DYRK2: variants seen among roughly 807,000 people sequenced by gnomAD.
The protein encoded by DYRK2 is dual specificity tyrosine-phosphorylation-regulated kinase 2.
DYRK2 carries 12 observed loss-of-function variants against 41.6 expected under a neutral mutation model. That is an observed-to-expected ratio of 0.29 (90% CI 0.18 to 0.47). The LOEUF (loss-of-function observed/expected upper bound fraction) is 0.47. Among genes scored for constraint, DYRK2 ranks in the 20% least tolerant of loss-of-function variants. The pLI is 1.00. For synonymous variants in DYRK2, 322 were observed against 315.7 expected (o/e 1.02, Z -0.21); for missense variants, 678 against 798.4 (o/e 0.85, Z 1.82).
In DYRK2 at chr12:67,664,537, A is replaced by G. The variant is rs1446805150; in HGVS notation, c.*5824A>G. On this transcript the variant is annotated 3_prime_UTR_variant, in exon 3 of 3. Transcript: ENST00000344096. ...TGAGCTATAATTATCCTCATTTGAT[A>G]CTTGAGGAAACTGAAGTGACTTGCT... The G allele has an allele frequency of 7.3e-6, 1 of 137,478 alleles. No homozygotes were observed. Among genetic ancestry groups the G allele is most frequent in the Non-Finnish European group, 1.6e-5 (1 of 64,152 alleles). 8.5% of individuals were successfully genotyped at this position (137,478 alleles called of 1,614,324 possible).
At chr12:67,649,437 C>G (rs139451618) in intron 1 of DYRK2, among the ~76,000 whole-genome samples, 1 of 151,796 alleles carries the variant, frequency 6.6e-6, no homozygotes, top group Non-Finnish European at 1.5e-5. Flanking sequence ...CCAGGCCTGC[C>G]GCCCCGCCCT....
rs1189302848 is a variant in DYRK2, at chr12:67,659,466, T to C, written c.*753T>C. 1 of 167,126 alleles carries C rather than the reference T, an allele frequency of 6.0e-6. No individual in the cohort carries two copies. The highest frequency in any genetic ancestry group is 2.4e-5 in the African/African-American group (1 of 41,444). The allele number at this position is 167,126 out of a possible 1,614,324, so 10.4% of individuals were successfully genotyped here. On this transcript the variant is annotated 3_prime_UTR_variant, in exon 3 of 3. Transcript: ENST00000344096. ...TTGCTTTTGCACCTAAATTTAGAAT[T>C]GTATTCCATGAACTGTTCCTCCCTT...
chr12:67,649,780 C>T lies in DYRK2; in HGVS notation c.50-17C>T, dbSNP rs761271046. Reference sequence around the variant, plus strand: ...CCCCCTGACCCTCTTTTGTCTCCTCCCGCACGTGGCTTCCAGGCCGAGGTG... The same window carrying T: ...CCCCCTGACCCTCTTTTGTCTCCTCTCGCACGTGGCTTCCAGGCCGAGGTG... On this transcript the variant is annotated splice_polypyrimidine_tract_variant and intron_variant, in intron 1 of 2. Transcript: ENST00000344096. The T allele has an allele frequency of 9.9e-6, 13 of 1,313,968 alleles. No homozygotes were observed. In the South Asian group the frequency reaches 1.2e-4, roughly 12 times the overall value. The allele number at this position is 1,313,968 out of a possible 1,614,324, so 81.4% of individuals were successfully genotyped here. A position where few individuals can be genotyped will look rare whatever the true frequency, so the allele number is the denominator to read the frequency against.
chr12:67,649,960 G>T lies in DYRK2; in HGVS notation c.198+15G>T, dbSNP rs948911301. On this transcript the variant is annotated intron_variant, in intron 2 of 2. Transcript: ENST00000344096. ...CAGCCCACACGGTGAGACCCAGCCC[G>T]CGGGCGGCCCGGGCGGTGGGGGCGG... is the stretch of plus-strand genomic sequence containing the variant. The T allele has an allele frequency of 4.5e-6, 6 of 1,335,906 alleles. No homozygotes were observed. Among genetic ancestry groups the T allele is most frequent in the Admixed American group, 4.0e-5 (1 of 24,798 alleles). The allele number at this position is 1,335,906 out of a possible 1,614,324, so 82.8% of individuals were successfully genotyped here.
In DYRK2 at chr12:67,658,152, C is replaced by T. The variant is rs1183180159; in HGVS notation, c.1245C>T (p.Leu415=). ...MWSLGCILAE[L]LTGYPLLPGE... ...GCCTGGGCTGCATTTTAGCAGAGCTCCTGACGGGTTACCCCCTCTTGCCTG... is the reference window on the plus strand; with the variant it reads ...GCCTGGGCTGCATTTTAGCAGAGCTTCTGACGGGTTACCCCCTCTTGCCTG... The change falls in exon 3 of 3, where the codon CTC becomes CTT. Residue 415 remains leucine (L), a synonymous_variant. Coordinates refer to ENST00000344096, the MANE Select transcript of DYRK2 (RefSeq NM_006482.3). The surrounding 1 kb of genome is among the most constrained non-coding windows in gnomAD (Gnocchi z 4.3). 1.2e-6 allele frequency: 2 copies of T among 1,614,062 alleles called. No homozygotes were observed. Among genetic ancestry groups the T allele is most frequent in the Non-Finnish European group, 1.7e-6 (2 of 1,180,024 alleles).
rs565110429 is a variant in DYRK2 at position 67,660,758 on chromosome 12, C to T, written c.*2045C>T. On this transcript the variant is annotated 3_prime_UTR_variant, in exon 3 of 3. Transcript: ENST00000344096. ...AGAAGTATAAGACTTGGTTTGGTGG[C>T]TTTGTAAGACCACCAGCCTCTTAAT... The T allele has an allele frequency of 1.2e-5, 2 of 167,036 alleles. No homozygotes were observed. Among genetic ancestry groups the T allele is most frequent in the East Asian group, 1.9e-4 (1 of 5,186 alleles). The allele number at this position is 167,036 out of a possible 1,614,324, so 10.3% of individuals were successfully genotyped here.
intron 2 of DYRK2, among the ~76,000 whole-genome samples, chr12:67,650,167 C>T (rs1418806529): frequency 1.3e-5 from 2 of 152,258 alleles, no homozygotes; most frequent in Non-Finnish European, 2.9e-5. Context: ...CCCTTACTTC[C>T]CCTCCAGAGC....
chr12:67,648,814 G>C lies in DYRK2; in HGVS notation c.-320G>C, dbSNP rs931476523. Reference sequence around the variant, plus strand: ...CCTCGCAGCGCTTCCAGCTCCCCGCGCCCCTATGTGAGGGAGACGGGGAGG... The same window carrying C: ...CCTCGCAGCGCTTCCAGCTCCCCGCCCCCCTATGTGAGGGAGACGGGGAGG... On this transcript the variant is annotated 5_prime_UTR_variant, in exon 1 of 3. Transcript: ENST00000344096. 3.2e-5 allele frequency: 6 copies of C among 185,688 alleles called. No individual in the cohort carries two copies. Among genetic ancestry groups the C allele is most frequent in the Non-Finnish European group, 6.6e-5 (6 of 90,782 alleles). The allele number at this position is 185,688 out of a possible 1,614,324, so 11.5% of individuals were successfully genotyped here. A position where few individuals can be genotyped will look rare whatever the true frequency, so the allele number is the denominator to read the frequency against.
chr12:67,656,248 G>A (rs1010722421), intron 2 of DYRK2, among the ~76,000 whole-genome samples: 2 of 152,222 alleles, frequency 1.3e-5, no homozygotes, highest in Non-Finnish European at 2.9e-5. Flanking sequence ...AGACAGGAAT[G>A]TTCAGGGATG....
rs1872297194 is a variant in DYRK2, at chr12:67,650,670, C to T, written c.198+725C>T. ...TGGGAGGGGAGAGGCCAGCGTGGGA[C>T]TGGTTGCTGGTGGCTGCGGAGACTG... On this transcript the variant is annotated intron_variant, in intron 2 of 2. Coordinates refer to ENST00000344096, the MANE Select transcript of DYRK2 (RefSeq NM_006482.3). 4.6e-5 allele frequency among the ~76,000 whole-genome samples: 7 copies of T among 152,176 alleles called. No individual in the cohort carries two copies. In the South Asian group the frequency reaches 1.4e-3, roughly 31 times the overall value.
rs773087622 is a variant in DYRK2, at chr12:67,657,951, C to T, written c.1044C>T (p.Asp348=). 34 of 1,614,228 alleles carry T rather than the reference C, an allele frequency of 2.1e-5. 1 individual carries two copies. In the South Asian group the frequency reaches 3.0e-4, roughly 14 times the overall value. Reference sequence around the variant, plus strand: ...ACAAAAACAGAATAATTCACTGTGACCTTAAGCCCGAGAACATTTTGTTAA... The same window carrying T: ...ACAAAAACAGAATAATTCACTGTGATCTTAAGCCCGAGAACATTTTGTTAA... ...ALHKNRIIHC[D]LKPENILLKQ... is the part of the protein sequence containing the mutation. The change falls in exon 3 of 3, where the codon GAC becomes GAT. Residue 348 remains aspartate, a synonymous_variant. Coordinates refer to ENST00000344096, the MANE Select transcript of DYRK2 (RefSeq NM_006482.3). This position sits in a 1 kb window ranked among gnomAD's most constrained non-coding sequence, Gnocchi z 4.8.
chr12:67,655,968 A>G (rs1199346685), intron 2 of DYRK2, among the ~76,000 whole-genome samples: 1 of 152,230 alleles, frequency 6.6e-6, no homozygotes, highest in Non-Finnish European at 1.5e-5. Context: ...GGACTCTGTC[A>G]CTTTGGCAGC....
rs1370520694 is a variant in DYRK2 at position 67,658,685 on chromosome 12, G to A, written c.1778G>A (p.Arg593Lys). The A allele has an allele frequency of 6.2e-7, 1 of 1,610,042 alleles. No homozygotes were observed. Among genetic ancestry groups the A allele is most frequent in the Non-Finnish European group, 8.5e-7 (1 of 1,178,280 alleles). ...GATGCCAATGGGAATATTCAGCAGA[G>A]GACAGTGTTGCCAAAACTTGTTAGC... ...MTDANGNIQQRTVLPKLVS is the reference protein window; with the variant it reads ...MTDANGNIQQKTVLPKLVS The change falls in exon 3 of 3, where the codon AGG becomes AAG. Residue 593 changes from arginine (R) to lysine (K), a missense_variant. Arg to Lys is a conservative substitution (Grantham distance 26). Coordinates refer to ENST00000344096, the MANE Select transcript of DYRK2 (RefSeq NM_006482.3). This position sits in a 1 kb window ranked among gnomAD's most constrained non-coding sequence, Gnocchi z 4.3.
In DYRK2 at chr12:67,660,755, T is replaced by C. The variant is rs1430251860; in HGVS notation, c.*2042T>C. The C allele has an allele frequency of 6.0e-6, 1 of 167,052 alleles. No individual in the cohort carries two copies. Among genetic ancestry groups the C allele is most frequent in the East Asian group, 1.9e-4 (1 of 5,206 alleles). 10.3% of individuals were successfully genotyped at this position (167,052 alleles called of 1,614,324 possible). On this transcript the variant is annotated 3_prime_UTR_variant, in exon 3 of 3. Coordinates refer to ENST00000344096, the MANE Select transcript of DYRK2 (RefSeq NM_006482.3). The stretch of plus-strand genomic sequence containing the variant: ...ATGAGAAGTATAAGACTTGGTTTGG[T>C]GGCTTTGTAAGACCACCAGCCTCTT...
chr12:67,653,482 G>A (rs898367706), intron 2 of DYRK2, among the ~76,000 whole-genome samples: 3 of 152,148 alleles, frequency 2.0e-5, no homozygotes, highest in African/African-American at 7.2e-5. Flanking sequence ...TTGCTTTTAG[G>A]TGTTTGGTTG....
Position 67,657,645 on chromosome 12 carries a change from G to C in DYRK2, c.738G>C (p.Gln246His), listed in dbSNP as rs1390291213. Residue 246 changes from glutamine (Q) to histidine (H), a missense_variant, in exon 3 of 3, where the codon CAG becomes CAC. Physicochemically the swap from Gln to His is conservative, Grantham distance 24. Transcript: ENST00000344096. The surrounding 1 kb of genome is among the most constrained non-coding windows in gnomAD (Gnocchi z 4.8). ...AGGCCTACGATCACAAAGTCCACCA[G>C]CACGTGGCCCTAAAGATGGTGCGGA... ...VVKAYDHKVHQHVALKMVRNE... is the reference protein window; with the variant it reads ...VVKAYDHKVHHHVALKMVRNE... 2.5e-6 allele frequency: 4 copies of C among 1,613,848 alleles called. No individual in the cohort carries two copies. Among genetic ancestry groups the C allele is most frequent in the Non-Finnish European group, 1.7e-6 (2 of 1,180,002 alleles).
Position 67,657,004 on chromosome 12 carries a change from G to T in DYRK2, c.199-102G>T. On this transcript the variant is annotated intron_variant, in intron 2 of 2. Transcript: ENST00000344096. The surrounding 1 kb of genome is among the most constrained non-coding windows in gnomAD (Gnocchi z 4.8). ...TTTTACTCAAACCAAATGGGATTTT[G>T]TAAATGTGAGGTTGGGGGCGGTGGT... The T allele has an allele frequency of 7.9e-7, 1 of 1,261,056 alleles. No individual in the cohort carries two copies. The highest frequency in any genetic ancestry group is 1.1e-6 in the Non-Finnish European group (1 of 944,198). The allele number at this position is 1,261,056 out of a possible 1,614,324, so 78.1% of individuals were successfully genotyped here.
chr12:67,658,619 G>T lies in DYRK2; in HGVS notation c.1712G>T (p.Ser571Ile), dbSNP rs1454973785. The change falls in exon 3 of 3, where the codon AGC becomes ATC. Residue 571 changes from serine to isoleucine, a missense_variant. Coordinates refer to ENST00000344096, the MANE Select transcript of DYRK2 (RefSeq NM_006482.3). This position sits in a 1 kb window ranked among gnomAD's most constrained non-coding sequence, Gnocchi z 4.3. ...TSISKLPPPS[S>I]SASKLRTNLA... ...ATATCCAAGTTACCTCCACCTTCTA[G>T]CTCAGCTTCCAAACTGAGGACTAAT... 5 of 1,614,016 alleles carry T rather than the reference G, an allele frequency of 3.1e-6. No homozygotes were observed. The highest frequency in any genetic ancestry group is 1.7e-5 in the Admixed American group (1 of 59,996).
chr12:67,659,923 TAGA>T lies in DYRK2; in HGVS notation c.*1215_*1217del, dbSNP rs1400811095. 1 of 167,134 alleles carries T rather than the reference TAGA, an allele frequency of 6.0e-6. No individual in the cohort carries two copies. Among genetic ancestry groups the T allele is most frequent in the Non-Finnish European group, 1.5e-5 (1 of 68,122 alleles). The allele number at this position is 167,134 out of a possible 1,614,324, so 10.4% of individuals were successfully genotyped here. A position where few individuals can be genotyped will look rare whatever the true frequency, so the allele number is the denominator to read the frequency against. On this transcript the variant is annotated 3_prime_UTR_variant, in exon 3 of 3. Coordinates refer to ENST00000344096, the MANE Select transcript of DYRK2 (RefSeq NM_006482.3). ...TGGTTTGACTTATTCTTCGTATCATTAGAAGAACCCCAGAGATAGCATTCCTCT... is the reference window on the plus strand; with the variant it reads ...TGGTTTGACTTATTCTTCGTATCATTAGAACCCCAGAGATAGCATTCCTCT...
Sources: gnomAD v4.1 joint callset for allele counts (sites outside exome capture counted in the v4.1 genomes callset) on GRCh38, gnomAD v4.1.1 for gene constraint, Gnocchi (gnomAD v3.1) non-coding constraint, MANE v1.5 for transcripts, NCBI Gene and HGNC (gene_info 2026-07-23, HGNC 2026-07-21) for gene names.